Variants in NFXL1 observed in about 807,000 individuals in gnomAD.
NFXL1 encodes the protein nuclear transcription factor, X-box binding like 1.
NFXL1 carries 66 observed loss-of-function variants against 123.3 expected under a neutral mutation model. That is an observed-to-expected ratio of 0.54 (90% CI 0.44 to 0.66). The LOEUF is 0.66. NFXL1 is among the 30% of genes least tolerant of loss of function. The pLI is 0.00. For missense variants in NFXL1, 944 were observed against 1,125.6 expected (o/e 0.84, Z 2.31); for synonymous variants, 346 against 360.8 (o/e 0.96, Z 0.46).
intron 2 of NFXL1, 105 bp downstream of exon 2, chr4:47,913,864 G>A (rs1292739514): frequency 5.5e-6 from 4 of 731,188 alleles, no homozygotes; most frequent in African/African-American, 3.6e-5. Context: ...ACTCCCGAAC[G>A]AGGGGAAAAG....
chr4:47,867,101 A>AT (rs1735146942), intron 18 of NFXL1, among the ~76,000 whole-genome samples: 1 of 152,126 alleles, frequency 6.6e-6, no homozygotes. Context: ...GTATAACTAT[A>AT]TGCTGAGTCC....
intron 19 of NFXL1, among the ~76,000 whole-genome samples, chr4:47,860,553 G>A (rs1242309827): frequency 6.6e-6 from 1 of 152,180 alleles, no homozygotes; most frequent in Non-Finnish European, 1.5e-5. Flanking sequence ...TACAACCTGT[G>A]TAACAGGCAC....
At chr4:47,863,836 G>A (rs1490030225) in intron 18 of NFXL1, among the ~76,000 whole-genome samples, 5 of 152,152 alleles carry the variant, frequency 3.3e-5, no homozygotes, top group Non-Finnish European at 7.4e-5. Context: ...GCCTAAGTCA[G>A]TAACTAGTGA....
chr4:47,895,708 T>C (rs1465724120), intron 10 of NFXL1, among the ~76,000 whole-genome samples: 2 of 152,170 alleles, frequency 1.3e-5, no homozygotes, highest in Non-Finnish European at 2.9e-5. Flanking sequence ...TCTTCCTCCT[T>C]ATCATCAATA....
At chr4:47,871,556 C>A in intron 18 of NFXL1, among the ~76,000 whole-genome samples, 1 of 152,108 alleles carries the variant, frequency 6.6e-6, no homozygotes, top group Non-Finnish European at 1.5e-5. Flanking sequence ...TCATTTACAA[C>A]AGAATCATCA....
chr4:47,873,825 T>A (rs1735583755), intron 18 of NFXL1, among the ~76,000 whole-genome samples: 1 of 152,220 alleles, frequency 6.6e-6, no homozygotes, highest in Non-Finnish European at 1.5e-5. Context: ...AGATAGCATT[T>A]TCTTTCAACA....
chr4:47,865,612 C>T (rs1735014424), intron 18 of NFXL1, among the ~76,000 whole-genome samples: 3 of 151,936 alleles, frequency 2.0e-5, no homozygotes, highest in Admixed American at 2.0e-4. Flanking sequence ...GAGCTAAAAT[C>T]ACAACAGAAA....
chr4:47,879,087 G>A lies in NFXL1; in HGVS notation c.1938+9C>T, dbSNP rs770597731. The A allele has an allele frequency of 2.2e-6, 3 of 1,385,956 alleles. No individual in the cohort carries two copies. Among genetic ancestry groups the A allele is most frequent in the Non-Finnish European group, 2.9e-6 (3 of 1,025,520 alleles). The allele number at this position is 1,385,956 out of a possible 1,614,324, so 85.9% of individuals were successfully genotyped here. A position where few individuals can be genotyped will look rare whatever the true frequency, so the allele number is the denominator to read the frequency against. On this transcript the variant is annotated intron_variant, in intron 16 of 22. Coordinates refer to ENST00000507489, the MANE Select transcript of NFXL1 (RefSeq NM_001278624.2). The stretch of plus-strand genomic sequence containing the variant: ...TAAGCTTTACTTAAAAATTGTGCCT[G>A]TAACTTACCTCATGTTTCCCAAGAC...
rs373960425 is a variant in NFXL1 at position 47,871,350 on chromosome 4, C to CAAA, written c.2246+3774_2246+3776dup. On this transcript the variant is annotated intron_variant, in intron 18 of 22. Coordinates refer to ENST00000507489, the MANE Select transcript of NFXL1 (RefSeq NM_001278624.2). ...TGGGTGACAGAGCGAGACTCCGTCT[C>CAAA]AAAAAAAAAAAAAACAAAAACAAAA... is the stretch of plus-strand genomic sequence containing the variant. 8.2e-3 allele frequency among the ~76,000 whole-genome samples: 1,109 copies of CAAA among 135,782 alleles called. 15 individuals are homozygous for CAAA. Among genetic ancestry groups the CAAA allele is most frequent in the African/African-American group, 0.028 (1,031 of 36,532 alleles). 89.1% of individuals were successfully genotyped at this position (135,782 alleles called of 152,430 possible). A position where few individuals can be genotyped will look rare whatever the true frequency, so the allele number is the denominator to read the frequency against.
At chr4:47,881,065 A>T (rs929242286) in intron 15 of NFXL1, among the ~76,000 whole-genome samples, 1 of 152,022 alleles carries the variant, frequency 6.6e-6, no homozygotes, top group Non-Finnish European at 1.5e-5. Flanking sequence ...AACTACTGTT[A>T]TCTATTGTTA....
chr4:47,889,633 ATCC>A (rs1560597016), intron 12 of NFXL1, among the ~76,000 whole-genome samples: 1 of 152,176 alleles, frequency 6.6e-6, no homozygotes. Context: ...CTAGGCTTAA[ATCC>A]AGGATTTCTT....
At chr4:47,879,352 T>C (rs1400919572) in intron 15 of NFXL1, among the ~76,000 whole-genome samples, 2 of 152,082 alleles carry the variant, frequency 1.3e-5, no homozygotes, top group African/African-American at 4.8e-5. Context: ...AAAAATGAAA[T>C]ACTTGGGTAT....
chr4:47,909,579 A>G (rs1381950983), intron 3 of NFXL1, among the ~76,000 whole-genome samples: 4 of 152,200 alleles, frequency 2.6e-5, no homozygotes, highest in Admixed American at 2.0e-4. Context: ...TATTACTAAT[A>G]AAAGGTATAT....
At position 47,904,210 on chromosome 4, in the gene NFXL1, C is replaced by A. The variant is rs1397747027; in HGVS notation, c.517-887G>T. On this transcript the variant is annotated intron_variant, in intron 4 of 22. Coordinates refer to ENST00000507489, the MANE Select transcript of NFXL1 (RefSeq NM_001278624.2). ...GAAGCTCAATCCTCCAGGGGACCCT[C>A]TGTAAAACCATGTAAAACACGCCTT... is the stretch of plus-strand genomic sequence containing the variant. Among the ~76,000 whole-genome samples the A allele has an allele frequency of 2.6e-5, 4 of 152,158 alleles. No individual in the cohort carries two copies. In the East Asian group the frequency reaches 7.7e-4, roughly 29 times the overall value.
intron 18 of NFXL1, among the ~76,000 whole-genome samples, chr4:47,864,275 A>G (rs541531720): frequency 2.6e-5 from 4 of 152,272 alleles, no homozygotes; most frequent in African/African-American, 9.6e-5. Context: ...TGAAGCAGAA[A>G]AAGACTATGG....
At chr4:47,897,691 T>C (rs77279815) in intron 9 of NFXL1, among the ~76,000 whole-genome samples, 1 of 152,048 alleles carries the variant, frequency 6.6e-6, no homozygotes, top group African/African-American at 2.4e-5. Context: ...TCCACCATTA[T>C]AGTATCACAC....
intron 12 of NFXL1, among the ~76,000 whole-genome samples, chr4:47,889,731 T>C (rs1450388544): frequency 6.6e-6 from 1 of 152,150 alleles, no homozygotes. Context: ...ATGAGTGAAG[T>C]TAACTCAGTT....
chr4:47,854,504 ATT>A (rs1014147119), intron 20 of NFXL1, among the ~76,000 whole-genome samples: 4 of 152,086 alleles, frequency 2.6e-5, no homozygotes, highest in Non-Finnish European at 4.4e-5. Flanking sequence ...CTTTGTAATC[ATT>A]AGTTTTTGCC....
chr4:47,893,932 CA>C, intron 11 of NFXL1, among the ~76,000 whole-genome samples: 1 of 142,840 alleles, frequency 7.0e-6, no homozygotes, highest in East Asian at 2.0e-4. Flanking sequence ...AAATAGTGAT[CA>C]GAAATATCAA....
Sources: allele counts gnomAD v4.1 joint callset (sites outside exome capture counted in the v4.1 genomes callset), GRCh38; gene constraint gnomAD v4.1.1; transcripts MANE v1.5; gene names NCBI Gene and HGNC (gene_info 2026-07-23, HGNC 2026-07-21).